PARD3B: variants seen among roughly 807,000 people sequenced by gnomAD.
PARD3B encodes par-3 family cell polarity regulator beta.
PARD3B carries 103 observed loss-of-function variants against 130.2 expected under a neutral mutation model. The ratio of observed to expected loss-of-function variants is 0.79; its 90% CI spans 0.67 to 0.93. The LOEUF (loss-of-function observed/expected upper bound fraction) is 0.93. PARD3B is among the 40% of genes least tolerant of loss of function. The probability of loss-of-function intolerance (pLI) is 0.00; values close to 1 mark genes in which losing one functional copy is unlikely to be tolerated. For synonymous variants in PARD3B, 583 were observed against 553.2 expected (o/e 1.05, Z -0.76); for missense variants, 1,609 against 1,499.2 (o/e 1.07, Z -1.21).
chr2:204,953,084 AGAGACAGAGT>A (rs1349228501), intron 2 of PARD3B, among the ~76,000 whole-genome samples: 5 of 128,338 alleles, frequency 3.9e-5, no homozygotes, highest in South Asian at 7.4e-4. Flanking sequence ...AGGGAGAGAG[AGAGACAGAGT>A]CAATGTCACT....
chr2:204,567,684 G>A (rs906636287), intron 1 of PARD3B, among the ~76,000 whole-genome samples: 70 of 152,284 alleles, frequency 4.6e-4, no homozygotes, highest in African/African-American at 1.6e-3. Context: ...GAGTGTACAA[G>A]TGTCTGTTCT....
At chr2:204,977,728 C>T (rs572165619) in intron 3 of PARD3B, among the ~76,000 whole-genome samples, 1 of 141,604 alleles carries the variant, frequency 7.1e-6, no homozygotes, top group Non-Finnish European at 1.5e-5. Flanking sequence ...AGGAGAATGG[C>T]GTGAGCCCGG....
At chr2:205,508,060 C>T (rs531615081) in intron 21 of PARD3B, among the ~76,000 whole-genome samples, 12 of 152,102 alleles carry the variant, frequency 7.9e-5, no homozygotes, top group Non-Finnish European at 1.8e-4. Context: ...ACTCTGGGGA[C>T]AAATCTGATC....
intron 2 of PARD3B, among the ~76,000 whole-genome samples, chr2:204,851,946 G>C (rs1310903934): frequency 1.3e-5 from 2 of 152,144 alleles, no homozygotes; most frequent in Non-Finnish European, 2.9e-5. Context: ...GCCTGCCTCA[G>C]CCTCCCAAAG....
rs561235403 is a variant in PARD3B at position 204,647,670 on chromosome 2, G to A, written c.121-38511G>A. Among the ~76,000 whole-genome samples the A allele has an allele frequency of 1.6e-3, 239 of 151,760 alleles. 1 individual carries two copies. The highest frequency in any genetic ancestry group is 2.9e-3 in the Non-Finnish European group (193 of 67,678). On this transcript the variant is annotated intron_variant, in intron 1 of 22. Coordinates refer to ENST00000406610, the MANE Select transcript of PARD3B (RefSeq NM_001302769.2). ...GAAGTATAATTTAAATGTTTTTAAGGGCTGCAGTTCTGAGAGTTTTCTTTA... is the reference window on the plus strand; with the variant it reads ...GAAGTATAATTTAAATGTTTTTAAGAGCTGCAGTTCTGAGAGTTTTCTTTA...
intron 2 of PARD3B, among the ~76,000 whole-genome samples, chr2:204,781,131 A>C (rs986839519): frequency 1.1e-4 from 16 of 152,136 alleles, no homozygotes; most frequent in African/African-American, 3.6e-4. Context: ...CCATGTTACA[A>C]CATGTGAACA....
intron 19 of PARD3B, among the ~76,000 whole-genome samples, chr2:205,425,261 T>C (rs1451810048): frequency 6.6e-6 from 1 of 152,166 alleles, no homozygotes; most frequent in African/African-American, 2.4e-5. Context: ...AAGCTAAAAA[T>C]GTTTACTAAG....
chr2:205,376,012 A>G (rs2045033291), intron 18 of PARD3B, among the ~76,000 whole-genome samples: 1 of 152,200 alleles, frequency 6.6e-6, no homozygotes, highest in Admixed American at 6.5e-5. Flanking sequence ...TGACCTTAGC[A>G]AGAAAAGTTT....
intron 18 of PARD3B, among the ~76,000 whole-genome samples, chr2:205,318,593 G>C (rs1436669486): frequency 6.6e-6 from 1 of 152,064 alleles, no homozygotes; most frequent in African/African-American, 2.4e-5. Context: ...TATTGTGATG[G>C]GGAGAGGGAG....
intron 1 of PARD3B, among the ~76,000 whole-genome samples, chr2:204,552,793 A>C (rs2030558938): frequency 6.6e-6 from 1 of 152,202 alleles, no homozygotes; most frequent in Non-Finnish European, 1.5e-5. Context: ...TGCTTTGTTG[A>C]AAATCAGTTG....
chr2:205,517,214 G>C (rs2050828810), intron 21 of PARD3B, among the ~76,000 whole-genome samples: 1 of 152,088 alleles, frequency 6.6e-6, no homozygotes, highest in African/African-American at 2.4e-5. Context: ...AAGGATATTG[G>C]CTTTAAGCTT....
intron 20 of PARD3B, among the ~76,000 whole-genome samples, chr2:205,485,665 T>C (rs2106302903): frequency 6.6e-6 from 1 of 152,272 alleles, no homozygotes; most frequent in South Asian, 2.1e-4. Flanking sequence ...TCATCCCCTT[T>C]AGAAAGATTG....
intron 1 of PARD3B, among the ~76,000 whole-genome samples, chr2:204,553,565 TATATATATGTATATATAAGGCTATATAC>T (rs2030634823): frequency 1.5e-5 from 2 of 133,888 alleles, no homozygotes; most frequent in Non-Finnish European, 3.1e-5. Flanking sequence ...TGTGTGTATA[TATATATATGTATATATAAGGCTATATAC>T]ATATATATGT....
At chr2:205,561,247 A>C (rs564326680) in intron 22 of PARD3B, among the ~76,000 whole-genome samples, 145 of 152,202 alleles carry the variant, frequency 9.5e-4, no homozygotes, top group Non-Finnish European at 1.8e-3. Context: ...CTTTGCCGGC[A>C]TTGCACTATT....
intron 3 of PARD3B, among the ~76,000 whole-genome samples, chr2:205,043,066 T>A (rs1372677883): frequency 6.6e-6 from 1 of 152,114 alleles, no homozygotes; most frequent in Non-Finnish European, 1.5e-5. Flanking sequence ...CTTAATTAGC[T>A]GAAAAAAAAC....
At chr2:205,159,763 T>G (rs2034402032) in intron 11 of PARD3B, among the ~76,000 whole-genome samples, 1 of 152,220 alleles carries the variant, frequency 6.6e-6, no homozygotes, top group Non-Finnish European at 1.5e-5. Context: ...GAATTCTGCC[T>G]TACCTACTCT....
At position 205,564,457 on chromosome 2, in the gene PARD3B, G is replaced by T. The variant is rs2053248124; in HGVS notation, c.3260+11054G>T. ...AATGGTGCTTTTTTGCTTAAAGACTGCCTCTGTGTTATGCTAGTGAGTTAA... is the reference window on the plus strand; with the variant it reads ...AATGGTGCTTTTTTGCTTAAAGACTTCCTCTGTGTTATGCTAGTGAGTTAA... On this transcript the variant is annotated intron_variant, in intron 22 of 22. Coordinates refer to ENST00000406610, the MANE Select transcript of PARD3B (RefSeq NM_001302769.2). This position sits in a 1 kb window ranked among gnomAD's most constrained non-coding sequence, Gnocchi z 4.6. Among the ~76,000 whole-genome samples, 1 of 152,164 alleles carries T rather than the reference G, an allele frequency of 6.6e-6. No individual in the cohort carries two copies. The highest frequency in any genetic ancestry group is 1.9e-4 in the East Asian group (1 of 5,198).
rs1253142601 is a variant in PARD3B, at chr2:204,712,613, C to CAAA, written c.222+26342_222+26344dup. On this transcript the variant is annotated intron_variant, in intron 2 of 22. Transcript: ENST00000406610. ...TGGGTGACAGAGCAAGACCCCATCT[C>CAAA]AAAAAAAAAAAAACAAAAAAAAAAG... 2.7e-4 allele frequency among the ~76,000 whole-genome samples: 13 copies of CAAA among 47,558 alleles called. 1 individual carries two copies. Among genetic ancestry groups the CAAA allele is most frequent in the Non-Finnish European group, 3.3e-4 (7 of 21,156 alleles). 31.2% of individuals were successfully genotyped at this position (47,558 alleles called of 152,430 possible). A position where few individuals can be genotyped will look rare whatever the true frequency, so the allele number is the denominator to read the frequency against.
intron 18 of PARD3B, among the ~76,000 whole-genome samples, chr2:205,372,386 T>A (rs2044857076): frequency 6.6e-6 from 1 of 152,214 alleles, no homozygotes. Flanking sequence ...TGGTGTCTCA[T>A]TGTGGCTTTG....
Sources: gnomAD v4.1 joint callset for allele counts (sites outside exome capture counted in the v4.1 genomes callset) on GRCh38, gnomAD v4.1.1 for gene constraint, Gnocchi (gnomAD v3.1) non-coding constraint, MANE v1.5 for transcripts, NCBI Gene and HGNC (gene_info 2026-07-23, HGNC 2026-07-21) for gene names.